The following ATRNL1 variants were observed in gnomAD, a reference collection of about 807,000 sequenced individuals.
The protein encoded by ATRNL1 is attractin-like protein 1.
Under a neutral mutation model 182.7 loss-of-function variants are expected in ATRNL1, and 95 were observed. That is an observed-to-expected ratio of 0.52 (90% CI 0.44 to 0.62). The LOEUF is 0.62. Ranked by LOEUF, ATRNL1 falls within the 20% of genes least tolerant of loss-of-function variation. ATRNL1 has a pLI of 0.00. For synonymous variants in ATRNL1, 576 were observed against 568.3 expected (o/e 1.01, Z -0.19); for missense variants, 1,471 against 1,679.5 (o/e 0.88, Z 2.17).
At chr10:115,340,313 T>C (rs1301313657) in intron 19 of ATRNL1, among the ~76,000 whole-genome samples, 1 of 152,070 alleles carries the variant, frequency 6.6e-6, no homozygotes, top group Non-Finnish European at 1.5e-5. Flanking sequence ...TGGTTAATTT[T>C]TGGATTTTTA....
At chr10:115,284,281 C>T (rs1170305570) in intron 14 of ATRNL1, among the ~76,000 whole-genome samples, 4 of 152,052 alleles carry the variant, frequency 2.6e-5, no homozygotes, top group Admixed American at 6.6e-5. Context: ...TATGATTTGT[C>T]AATGAACTAT....
intron 8 of ATRNL1, 155 bp downstream of exon 8, chr10:115,171,447 G>T: frequency 1.6e-6 from 1 of 618,158 alleles, no homozygotes; most frequent in Non-Finnish European, 2.5e-6. Context: ...TTTTGATTAT[G>T]TTAGATTTTG....
chr10:115,129,635 A>C, intron 5 of ATRNL1, 100 bp downstream of exon 5: 1 of 840,200 alleles, frequency 1.2e-6, no homozygotes, highest in Non-Finnish European at 1.8e-6. Context: ...TTGCACACCC[A>C]AGCCTTATAT....
chr10:115,616,531 A>G (rs1857437571), intron 26 of ATRNL1, among the ~76,000 whole-genome samples: 1 of 152,184 alleles, frequency 6.6e-6, no homozygotes, highest in African/African-American at 2.4e-5. Flanking sequence ...AAAATTCCTC[A>G]AAGGCATTTC....
At chr10:115,809,170 A>G (rs1352034013) in intron 27 of ATRNL1, among the ~76,000 whole-genome samples, 5 of 152,036 alleles carry the variant, frequency 3.3e-5, no homozygotes, top group African/African-American at 1.2e-4. Flanking sequence ...TGTTGACTTC[A>G]TTCTGTTTCA....
At chr10:115,875,464 G>A (rs1951679665) in intron 28 of ATRNL1, among the ~76,000 whole-genome samples, 1 of 152,186 alleles carries the variant, frequency 6.6e-6, no homozygotes, top group African/African-American at 2.4e-5. Flanking sequence ...AAATTCAGGG[G>A]CACTTTTTCT....
At position 115,448,943 on chromosome 10, in the gene ATRNL1, A is replaced by G. The variant is rs782515935; in HGVS notation, c.3323-12998A>G. ...ATGAATTCAACCAAGTGTACAAAGA[A>G]GAGCTGGTACTATTCCTACGGAAAC... On this transcript the variant is annotated intron_variant, in intron 21 of 28. Transcript: ENST00000355044. Among the ~76,000 whole-genome samples the G allele has an allele frequency of 2.9e-4, 44 of 152,294 alleles. No homozygotes were observed. The Middle Eastern group carries it at 0.01, about 35-fold the overall frequency.
At chr10:115,099,425 A>G (rs55970731) in intron 1 of ATRNL1, among the ~76,000 whole-genome samples, 16,466 of 152,238 alleles carry the variant, frequency 0.11, 1,096 homozygotes, top group South Asian at 0.15. Flanking sequence ...GTATGGTCAT[A>G]TGCTTTCCTT....
chr10:115,575,912 G>C (rs2804181), intron 26 of ATRNL1, among the ~76,000 whole-genome samples: 147,948 of 152,146 alleles, frequency 0.97, 72,097 homozygotes, highest in East Asian at 1. Context: ...CTGCCTCTCT[G>C]CCCTTGAAAA....
intron 25 of ATRNL1, among the ~76,000 whole-genome samples, chr10:115,533,523 A>G (rs1211772499): frequency 2.6e-5 from 4 of 152,018 alleles, no homozygotes; most frequent in Admixed American, 2.0e-4. Context: ...CTAGCTGTCT[A>G]TCAATTTTGT....
intron 13 of ATRNL1, among the ~76,000 whole-genome samples, chr10:115,277,604 G>T (rs977169299): frequency 6.6e-6 from 1 of 151,142 alleles, no homozygotes; most frequent in Non-Finnish European, 1.5e-5. Context: ...ATTGAGGTGG[G>T]GGCTCAATGT....
chr10:115,939,935 T>C (rs1260388286), intron 28 of ATRNL1, among the ~76,000 whole-genome samples: 1 of 152,230 alleles, frequency 6.6e-6, no homozygotes, highest in Non-Finnish European at 1.5e-5. Context: ...TTTTCTTTTA[T>C]TGATACATAC....
At chr10:115,594,761 T>C (rs1223098122) in intron 26 of ATRNL1, among the ~76,000 whole-genome samples, 1 of 152,152 alleles carries the variant, frequency 6.6e-6, no homozygotes, top group Non-Finnish European at 1.5e-5. Flanking sequence ...TGCCTCAGCC[T>C]CCCAAAGTGG....
intron 9 of ATRNL1, among the ~76,000 whole-genome samples, chr10:115,229,365 A>G (rs774184198): frequency 3.0e-4 from 46 of 152,214 alleles, no homozygotes; most frequent in South Asian, 2.1e-4. Context: ...GGTTAATTTT[A>G]TAAATTATGT....
chr10:115,484,739 T>C (rs1286979071), intron 24 of ATRNL1, among the ~76,000 whole-genome samples: 1 of 151,868 alleles, frequency 6.6e-6, no homozygotes, highest in Non-Finnish European at 1.5e-5. Flanking sequence ...TACAAATTTC[T>C]CTCAGAGTTA....
chr10:115,237,440 T>C (rs1358766824), intron 9 of ATRNL1, among the ~76,000 whole-genome samples: 1 of 152,220 alleles, frequency 6.6e-6, no homozygotes. Context: ...ATGTGTGTAG[T>C]GGTATTTCAC....
chr10:115,215,763 G>C lies in ATRNL1; in HGVS notation c.1415G>C (p.Ser472Thr), dbSNP rs1554896070. ...AIVQGGYGHT[S>T]VYDEITKSIY... Reference sequence around the variant, plus strand: ...GTACAAGGTGGATATGGCCATACTAGTGTGTATGATGAAATAACAAAGTCC... The same window carrying C: ...GTACAAGGTGGATATGGCCATACTACTGTGTATGATGAAATAACAAAGTCC... Residue 472 changes from serine to threonine, a missense_variant, in exon 9 of 29, where the codon AGT (serine) becomes ACT (threonine). Coordinates refer to ENST00000355044, the MANE Select transcript of ATRNL1 (RefSeq NM_207303.4). The C allele has an allele frequency of 2.5e-6, 4 of 1,610,214 alleles. No individual in the cohort carries two copies. The South Asian group carries it at 4.4e-5, about 18-fold the overall frequency.
chr10:115,251,147 A>G (rs1554905290), intron 10 of ATRNL1, among the ~76,000 whole-genome samples: 1 of 152,164 alleles, frequency 6.6e-6, no homozygotes, highest in Non-Finnish European at 1.5e-5. Flanking sequence ...GGTGTCTGCT[A>G]TCCTTTAAGC....
At chr10:115,243,677 G>A in intron 10 of ATRNL1, among the ~76,000 whole-genome samples, 1 of 151,994 alleles carries the variant, frequency 6.6e-6, no homozygotes, top group East Asian at 1.9e-4. Flanking sequence ...AGTAATGCTT[G>A]TTTCTTAATG....
Sources: gnomAD v4.1 joint callset for allele counts (sites outside exome capture counted in the v4.1 genomes callset) on GRCh38, gnomAD v4.1.1 for gene constraint, MANE v1.5 for transcripts, NCBI Gene and HGNC (gene_info 2026-07-23, HGNC 2026-07-21) for gene names.